The following PALM2AKAP2 variants were observed in gnomAD, a reference collection of about 807,000 sequenced individuals.
PALM2AKAP2 encodes PALM2-AKAP2 fusion protein.
Under a neutral mutation model 71.5 loss-of-function variants are expected in PALM2AKAP2, and 37 were observed. That is an observed-to-expected ratio of 0.52 (90% confidence interval 0.40 to 0.68). PALM2AKAP2 has a LOEUF of 0.68. Ranked by LOEUF, PALM2AKAP2 falls within the 30% of genes least tolerant of loss-of-function variation. The pLI is 0.00. For synonymous variants in PALM2AKAP2, 468 were observed against 478.8 expected, an observed-to-expected ratio of 0.98 and a Z score of 0.29; for missense variants, 1,224 against 1,191.8, an observed-to-expected ratio of 1.03 and a Z score of -0.40.
intron 3 of PALM2AKAP2, among the ~76,000 whole-genome samples, chr9:109,892,806 C>G (rs1223995612): frequency 1.3e-5 from 2 of 152,002 alleles, no homozygotes; most frequent in East Asian, 3.8e-4. Flanking sequence ...TAATAAAGAT[C>G]AACTTTATTG....
At chr9:109,732,212 G>A (rs555654829) in intron 1 of PALM2AKAP2, among the ~76,000 whole-genome samples, 15 of 152,188 alleles carry the variant, frequency 9.9e-5, no homozygotes, top group African/African-American at 1.4e-4. Context: ...TTCCTTCCAC[G>A]TGTACCTAGC....
At chr9:109,890,425 C>T (rs867889977) in intron 3 of PALM2AKAP2, among the ~76,000 whole-genome samples, 7 of 152,138 alleles carry the variant, frequency 4.6e-5, no homozygotes, top group South Asian at 2.1e-4. Flanking sequence ...TCCAGGACAG[C>T]GAACGGGTGA....
chr9:109,784,101 T>C (rs1826899181), intron 1 of PALM2AKAP2, among the ~76,000 whole-genome samples: 1 of 152,206 alleles, frequency 6.6e-6, no homozygotes, highest in African/African-American at 2.4e-5. Context: ...CCCCAAACTT[T>C]ACATTTAGAA....
chr9:110,101,630 C>T (rs1835003496), intron 1 of PALM2AKAP2, among the ~76,000 whole-genome samples: 1 of 152,120 alleles, frequency 6.6e-6, no homozygotes, highest in South Asian at 2.1e-4. Flanking sequence ...ACAGCGGCCG[C>T]CTTTTTTCAC....
At chr9:109,728,684 T>C (rs547970071) in intron 1 of PALM2AKAP2, among the ~76,000 whole-genome samples, 5 of 152,326 alleles carry the variant, frequency 3.3e-5, no homozygotes, top group Non-Finnish European at 7.3e-5. Context: ...CATAACCTTA[T>C]CCAAGGGATA....
chr9:110,049,859 G>T (rs373538338), intron 1 of PALM2AKAP2, among the ~76,000 whole-genome samples: 1 of 152,228 alleles, frequency 6.6e-6, no homozygotes, highest in Middle Eastern at 3.2e-3. Flanking sequence ...GCGAGGCGGC[G>T]TGCAGCCGGG....
chr9:109,895,121 C>A (rs554738234), intron 3 of PALM2AKAP2, among the ~76,000 whole-genome samples: 1 of 152,330 alleles, frequency 6.6e-6, no homozygotes, highest in South Asian at 2.1e-4. Context: ...AGTGTTCTTT[C>A]AAAGCCACCA....
chr9:109,663,032 T>A (rs1827423446), intron 1 of PALM2AKAP2, among the ~76,000 whole-genome samples: 1 of 152,174 alleles, frequency 6.6e-6, no homozygotes, highest in Admixed American at 6.5e-5. Flanking sequence ...ATCATTTTTT[T>A]ATTGCATCTA....
chr9:110,137,089 ACAGCAGCAG>A (rs749737390), exon 2 of PALM2AKAP2: 85 of 1,584,344 alleles, frequency 5.4e-5, no homozygotes, highest in Admixed American at 1.7e-4. Flanking sequence ...AGAAGCAGTT[ACAGCAGCAG>A]CAGCAGCAGC....
intron 6 of PALM2AKAP2, among the ~76,000 whole-genome samples, chr9:110,007,759 C>T (rs186522522): frequency 2.6e-4 from 39 of 152,258 alleles, no homozygotes; most frequent in African/African-American, 7.7e-4. Context: ...GGTGGAAAGA[C>T]GTATAAATTT....
chr9:109,791,423 C>T (rs78482266), intron 1 of PALM2AKAP2, among the ~76,000 whole-genome samples: 2,365 of 152,316 alleles, frequency 0.016, 66 homozygotes, highest in African/African-American at 0.054. Context: ...CCTGGGTCCA[C>T]AGAGAAAAGC....
At chr9:109,660,042 C>T (rs779529364) in intron 1 of PALM2AKAP2, among the ~76,000 whole-genome samples, 3 of 151,980 alleles carry the variant, frequency 2.0e-5, no homozygotes, top group Non-Finnish European at 4.4e-5. Context: ...CCATGTTGCC[C>T]AGGCTGGTCT....
intron 6 of PALM2AKAP2, among the ~76,000 whole-genome samples, chr9:109,936,739 G>T (rs1415305587): frequency 6.6e-6 from 1 of 152,176 alleles, no homozygotes; most frequent in Non-Finnish European, 1.5e-5. Flanking sequence ...AACTTTCATT[G>T]TACAAATGAG....
rs1828233453 is a variant in PALM2AKAP2, at chr9:109,711,385, G to C, written c.6-69103G>C. ...CATAAAACCCTCATGAATCATGGAT[G>C]AGAGAGTTACTGGAGTCTCACAGAT... is the stretch of plus-strand genomic sequence containing the variant. On this transcript the variant is annotated intron_variant, in intron 1 of 6. Transcript: ENST00000374531. 1.3e-5 allele frequency among the ~76,000 whole-genome samples: 2 copies of C among 152,228 alleles called. 1 individual carries two copies. Among genetic ancestry groups the C allele is most frequent in the South Asian group, 4.1e-4 (2 of 4,830 alleles).
chr9:109,914,697 G>A (rs936014078), intron 3 of PALM2AKAP2, among the ~76,000 whole-genome samples: 3 of 152,214 alleles, frequency 2.0e-5, no homozygotes, highest in Non-Finnish European at 1.5e-5. Flanking sequence ...TTTATTCGGA[G>A]AGTAGTTACT....
chr9:109,719,278 C>T (rs1828371725), intron 1 of PALM2AKAP2, among the ~76,000 whole-genome samples: 1 of 152,152 alleles, frequency 6.6e-6, no homozygotes, highest in African/African-American at 2.4e-5. Flanking sequence ...AAAGAGGGCT[C>T]TAGTGAGTGG....
chr9:110,137,737 C>G, exon 2 of PALM2AKAP2: 1 of 1,614,180 alleles, frequency 6.2e-7, no homozygotes, highest in Non-Finnish European at 8.5e-7. Flanking sequence ...TGGACAACAT[C>G]AGTGACAGCG....
intron 1 of PALM2AKAP2, among the ~76,000 whole-genome samples, chr9:109,659,937 C>T (rs946906624): frequency 6.6e-6 from 1 of 152,016 alleles, no homozygotes; most frequent in Non-Finnish European, 1.5e-5. Context: ...ACCTCTCAGG[C>T]TCAAGTGATT....
chr9:109,750,686 C>A (rs994235634), intron 1 of PALM2AKAP2, among the ~76,000 whole-genome samples: 1 of 151,620 alleles, frequency 6.6e-6, no homozygotes, highest in African/African-American at 2.4e-5. Context: ...GGGATTGAGG[C>A]AAGTTCTGGA....
Sources: allele counts gnomAD v4.1 joint callset (sites outside exome capture counted in the v4.1 genomes callset), GRCh38; gene constraint gnomAD v4.1.1; transcripts MANE v1.5; gene names NCBI Gene and HGNC (gene_info 2026-07-23, HGNC 2026-07-21).